Variants in OTUD7A observed in about 807,000 individuals in gnomAD.
OTUD7A encodes the protein OTU domain-containing protein 7A.
OTUD7A carries 12 observed loss-of-function variants against 65.7 expected under a neutral mutation model. The ratio of observed to expected loss-of-function variants is 0.18; its 90% CI spans 0.12 to 0.30. OTUD7A has a LOEUF of 0.30. Among genes scored for constraint, OTUD7A ranks in the 10% least tolerant of loss-of-function variants. OTUD7A has a pLI of 1.00. For synonymous variants in OTUD7A, 641 were observed against 586.3 expected (o/e 1.09, Z -1.35); for missense variants, 1,148 against 1,304.8 (o/e 0.88, Z 1.85).
Position 31,840,324 on chromosome 15 carries a change from G to T in OTUD7A, c.-100+30183C>A, listed in dbSNP as rs191418368. On this transcript the variant is annotated intron_variant, in intron 1 of 12. Transcript: ENST00000307050. The stretch of plus-strand genomic sequence containing the variant: ...ATGGTGGCGCACGCCTGTAATCTCA[G>T]CTACTCAGGAGGCTGAGGCACGAGA... Among the ~76,000 whole-genome samples, 120 of 152,250 alleles carry T rather than the reference G, an allele frequency of 7.9e-4. 1 individual carries two copies. The highest frequency in any genetic ancestry group is 2.7e-3 in the African/African-American group (113 of 41,540).
At chr15:31,602,394 A>G (rs11071210) in intron 3 of OTUD7A, among the ~76,000 whole-genome samples, 3,142 of 152,302 alleles carry the variant, frequency 0.021, 100 homozygotes, top group African/African-American at 0.072. Context: ...GCCTTCGACA[A>G]AATTCAACAC....
chr15:31,599,606 G>A (rs181488685), intron 3 of OTUD7A, among the ~76,000 whole-genome samples: 5 of 152,084 alleles, frequency 3.3e-5, no homozygotes, highest in Non-Finnish European at 4.4e-5. Context: ...ACAACTCCTC[G>A]CCAGCAAGGG....
chr15:31,784,180 A>T (rs959898182), intron 1 of OTUD7A, among the ~76,000 whole-genome samples: 3 of 152,242 alleles, frequency 2.0e-5, no homozygotes, highest in East Asian at 3.8e-4. Flanking sequence ...TGAAAAGTTT[A>T]CCAATGTGGC....
At chr15:31,557,514 G>A (rs1197246995) in intron 5 of OTUD7A, 2 of 152,206 alleles carry the variant, frequency 1.3e-5, no homozygotes, top group Non-Finnish European at 2.9e-5. Flanking sequence ...TGTGGTCAGA[G>A]TATTTATTTC....
intron 1 of OTUD7A, among the ~76,000 whole-genome samples, chr15:31,858,662 C>T (rs1230702505): frequency 2.0e-5 from 3 of 152,208 alleles, no homozygotes; most frequent in Admixed American, 2.0e-4. Flanking sequence ...GCAAACATAA[C>T]AAGAACAACG....
At chr15:31,569,912 A>G in intron 4 of OTUD7A, 106 bp downstream of exon 4, 1 of 1,224,184 alleles carries the variant, frequency 8.2e-7, no homozygotes, top group Non-Finnish European at 1.1e-6. Context: ...ATATGTCTGC[A>G]TCCGGGAGGT....
intron 1 of OTUD7A, among the ~76,000 whole-genome samples, chr15:31,692,720 T>C (rs9302129): frequency 0.8 from 117,485 of 147,634 alleles, 44,696 homozygotes; most frequent in Non-Finnish European, 0.89. Context: ...AATTCCTGTT[T>C]TCTCCTGGCT....
At chr15:31,808,826 G>A (rs1213974807) in intron 1 of OTUD7A, among the ~76,000 whole-genome samples, 6 of 152,230 alleles carry the variant, frequency 3.9e-5, no homozygotes, top group African/African-American at 1.4e-4. Context: ...CAAGCCTGGA[G>A]TAGGGAGCTA....
intron 1 of OTUD7A, among the ~76,000 whole-genome samples, chr15:31,837,768 G>GACA (rs1317131685): frequency 8.5e-5 from 13 of 152,122 alleles, no homozygotes; most frequent in African/African-American, 2.9e-4. Flanking sequence ...TGTAAATATG[G>GACA]ACAAGCTTAA....
chr15:31,622,874 T>A (rs889747441), intron 3 of OTUD7A, among the ~76,000 whole-genome samples: 1 of 152,192 alleles, frequency 6.6e-6, no homozygotes, highest in Non-Finnish European at 1.5e-5. Context: ...TCTGCTCTGT[T>A]TTTTCCCCAT....
chr15:31,669,814 G>A (rs991662270), intron 1 of OTUD7A, among the ~76,000 whole-genome samples: 2 of 151,900 alleles, frequency 1.3e-5, no homozygotes, highest in African/African-American at 4.9e-5. Flanking sequence ...GGAGCTCCCA[G>A]GGCCTTTCCC....
chr15:31,768,450 G>C (rs540524307), intron 1 of OTUD7A, among the ~76,000 whole-genome samples: 1 of 152,280 alleles, frequency 6.6e-6, no homozygotes, highest in South Asian at 2.1e-4. Context: ...CTTGAGCTCA[G>C]GAGTTTGAGA....
intron 1 of OTUD7A, among the ~76,000 whole-genome samples, chr15:31,815,065 A>C (rs1321059285): frequency 1.3e-5 from 2 of 152,124 alleles, no homozygotes; most frequent in Admixed American, 6.5e-5. Context: ...GGGTTTCTTC[A>C]ACATTGGTTC....
At chr15:31,646,366 C>T (rs4496097) in intron 3 of OTUD7A, among the ~76,000 whole-genome samples, 35,656 of 150,442 alleles carry the variant, frequency 0.24, 3,536 homozygotes, top group African/African-American at 0.3. Context: ...GGGATGAATA[C>T]GGCTGGCTTT....
intron 3 of OTUD7A, among the ~76,000 whole-genome samples, chr15:31,642,507 T>C (rs1891546927): frequency 6.6e-6 from 1 of 152,206 alleles, no homozygotes; most frequent in Non-Finnish European, 1.5e-5. Context: ...AATGAAGCTA[T>C]AGATGCTTGC....
chr15:31,773,981 C>T (rs888141294), intron 1 of OTUD7A, among the ~76,000 whole-genome samples: 4 of 152,176 alleles, frequency 2.6e-5, no homozygotes, highest in African/African-American at 9.7e-5. Flanking sequence ...TCAAGAAGAA[C>T]ACTTTATCAG....
intron 7 of OTUD7A, 83 bp downstream of exon 7, chr15:31,527,098 G>A: frequency 1.3e-6 from 2 of 1,562,688 alleles, no homozygotes. Flanking sequence ...CTGGGGCCTG[G>A]AGGCCATGCT....
At chr15:31,580,393 T>C (rs1238872169) in intron 3 of OTUD7A, among the ~76,000 whole-genome samples, 1 of 152,172 alleles carries the variant, frequency 6.6e-6, no homozygotes, top group Non-Finnish European at 1.5e-5. Context: ...CTTGATGAGA[T>C]TTTTAATTTA....
intron 6 of OTUD7A, among the ~76,000 whole-genome samples, chr15:31,527,874 T>G (rs1012853771): frequency 6.6e-6 from 1 of 152,212 alleles, no homozygotes; most frequent in African/African-American, 2.4e-5. Flanking sequence ...CTGTGCCAGG[T>G]GCTGAGAGGA....
Sources: allele counts gnomAD v4.1 joint callset (sites outside exome capture counted in the v4.1 genomes callset), GRCh38; gene constraint gnomAD v4.1.1; transcripts MANE v1.5; gene names NCBI Gene and HGNC (gene_info 2026-07-23, HGNC 2026-07-21).